Variants in PRDX1 observed in about 807,000 individuals in gnomAD.
PRDX1 encodes the protein peroxiredoxin-1.
Under a neutral mutation model 20.7 loss-of-function variants are expected in PRDX1, and 19 were observed. The ratio of observed to expected loss-of-function variants is 0.92; its 90% confidence interval spans 0.64 to 1.35. The LOEUF (loss-of-function observed/expected upper bound fraction) is 1.35. PRDX1 is among the 40% of genes most tolerant of loss of function. The pLI, the probability that PRDX1 is intolerant of heterozygous loss-of-function variation, is 0.00. For missense variants in PRDX1, 226 were observed against 240.0 expected, an observed-to-expected ratio of 0.94 and a Z score of 0.38; for synonymous variants, 89 against 83.9, an observed-to-expected ratio of 1.06 and a Z score of -0.33.
chr1:45,515,139 G>C (rs777898301), intron 3 of PRDX1, 144 bp from the exon 4 acceptor site: 148 of 1,201,602 alleles, frequency 1.2e-4, no homozygotes, highest in Non-Finnish European at 1.6e-4. Context: ...TGAATGCTGA[G>C]AACAGTTAAG....
chr1:45,515,896 T>C, intron 2 of PRDX1, 89 bp from the exon 3 acceptor site: 1 of 1,300,290 alleles, frequency 7.7e-7, no homozygotes, highest in Non-Finnish European at 1.0e-6. Context: ...AGTTGATGGC[T>C]GACACAATAA....
chr1:45,515,057 C>T (rs1436812468), intron 3 of PRDX1, 62 bp from the exon 4 acceptor site: 4 of 1,575,710 alleles, frequency 2.5e-6, no homozygotes, highest in Admixed American at 1.9e-5. Context: ...ACGCATTCCT[C>T]TTTCCCCTTT....
chr1:45,517,390 CTATA>C (rs1212564554), intron 2 of PRDX1, among the ~76,000 whole-genome samples: 2 of 152,144 alleles, frequency 1.3e-5, no homozygotes, highest in Non-Finnish European at 2.9e-5. Flanking sequence ...TCTAAGGAAT[CTATA>C]TCCTCAACTG....
At chr1:45,514,670 G>C (rs1161087717) in intron 4 of PRDX1, 33 bp from the exon 5 acceptor site, 1 of 1,611,288 alleles carries the variant, frequency 6.2e-7, no homozygotes, top group East Asian at 2.2e-5. Flanking sequence ...AAGCAATACA[G>C]GTTTAGAGAT....
chr1:45,514,213 G>A (rs902756484), intron 5 of PRDX1, among the ~76,000 whole-genome samples: 1 of 151,994 alleles, frequency 6.6e-6, no homozygotes, highest in African/African-American at 2.4e-5. Context: ...CTTTGTTCAC[G>A]TGTTTATCTG....
At position 45,511,431 on chromosome 1, in the gene PRDX1, C is replaced by T. The variant is rs1157178520; in HGVS notation, c.515-17G>A. ...CTGGGCACACTGCAAGAGAAAGGCACCACTAATTAATAACCTTCTCAATGG... is the reference window on the plus strand; with the variant it reads ...CTGGGCACACTGCAAGAGAAAGGCATCACTAATTAATAACCTTCTCAATGG... On this transcript the variant is annotated splice_polypyrimidine_tract_variant and intron_variant, in intron 5 of 5. Coordinates refer to ENST00000319248, the MANE Select transcript of PRDX1 (RefSeq NM_181697.3). 1.3e-5 allele frequency: 21 copies of T among 1,604,568 alleles called. No individual in the cohort carries two copies. The highest frequency in any genetic ancestry group is 1.7e-5 in the Non-Finnish European group (20 of 1,173,284).
intron 2 of PRDX1, among the ~76,000 whole-genome samples, chr1:45,517,209 C>T (rs1643869494): frequency 6.6e-6 from 1 of 152,028 alleles, no homozygotes; most frequent in Non-Finnish European, 1.5e-5. Flanking sequence ...ACCCCTGGGC[C>T]CAGGTCACCT....
Position 45,511,270 on chromosome 1 carries a change from A to G in PRDX1, c.*59T>C. 7.3e-7 allele frequency: 1 copy of G among 1,364,748 alleles called. No homozygotes were observed. The highest frequency in any genetic ancestry group is 1.0e-6 in the Non-Finnish European group (1 of 996,072). The allele number at this position is 1,364,748 out of a possible 1,614,324, so 84.5% of individuals were successfully genotyped here. A position where few individuals can be genotyped will look rare whatever the true frequency, so the allele number is the denominator to read the frequency against. ...TTTTACTAATGGAAAAAAAAAATACAGAAGAGGTTTTGTTCTCATGGCTGC... is the reference window on the plus strand; with the variant it reads ...TTTTACTAATGGAAAAAAAAAATACGGAAGAGGTTTTGTTCTCATGGCTGC... On this transcript the variant is annotated 3_prime_UTR_variant, in exon 6 of 6. Transcript: ENST00000319248.
chr1:45,514,603 G>GAT lies in PRDX1; in HGVS notation c.417_418insAT (p.Arg140IlefsTer6). The GAT allele has an allele frequency of 6.2e-7, 1 of 1,613,494 alleles. No individual in the cohort carries two copies. The highest frequency in any genetic ancestry group is 1.1e-5 in the South Asian group (1 of 91,060). On this transcript the variant is annotated frameshift_variant, in exon 5 of 6. Coordinates refer to ENST00000319248, the MANE Select transcript of PRDX1 (RefSeq NM_181697.3). LOFTEE classifies it high-confidence loss of function. ...GGGAGGTCATTTACAGTGATCTGCC[G>GAT]AAGAATACCCTTATCATCAATGATA... is the stretch of plus-strand genomic sequence containing the variant.
rs1012977307 is a variant in PRDX1, at chr1:45,514,838, T to C, written c.383+35A>G. On this transcript the variant is annotated intron_variant, in intron 4 of 5. Coordinates refer to ENST00000319248, the MANE Select transcript of PRDX1 (RefSeq NM_181697.3). ...CTCTAGATCTCTCCAAATAAAAGGC[T>C]TTCAGCCAACTGGATACTTGTCCTG... The C allele has an allele frequency of 2.5e-6, 4 of 1,612,780 alleles. No homozygotes were observed. The African/African-American group carries it at 5.3e-5, about 22-fold the overall frequency.
chr1:45,515,494 G>A (rs564218809), intron 3 of PRDX1, among the ~76,000 whole-genome samples, 160 bp downstream of exon 3: 1 of 150,688 alleles, frequency 6.6e-6, no homozygotes, highest in East Asian at 2.0e-4. Flanking sequence ...AGCTACTCAG[G>A]AGGCTGAGGC....
chr1:45,519,608 T>G (rs1344417008), intron 1 of PRDX1, among the ~76,000 whole-genome samples: 3 of 152,138 alleles, frequency 2.0e-5, no homozygotes, highest in Non-Finnish European at 2.9e-5. Flanking sequence ...TTTTGTTTTG[T>G]TTTTTTGACG....
upstream of PRDX1, chr1:45,521,907 C>T (rs1296319441): frequency 6.6e-6 from 1 of 152,438 alleles, no homozygotes; most frequent in African/African-American, 2.4e-5. Context: ...CGGGGCGCTG[C>T]CTTTATAGCC....
At chr1:45,521,663 G>C (rs983633299) in intron 1 of PRDX1, 166 bp downstream of exon 1, 1 of 152,344 alleles carries the variant, frequency 6.6e-6, no homozygotes, top group Non-Finnish European at 1.5e-5. Flanking sequence ...AGAGGGGTGT[G>C]CGCAGCGCTC....
intron 4 of PRDX1, 111 bp downstream of exon 4, chr1:45,514,762 G>A: frequency 1.3e-6 from 2 of 1,567,320 alleles, no homozygotes; most frequent in Middle Eastern, 1.7e-4. Context: ...CCTTAGTGAG[G>A]AGGCCCCTGC....
chr1:45,517,816 GAA>G (rs1643874791), intron 2 of PRDX1, among the ~76,000 whole-genome samples: 2 of 49,676 alleles, frequency 4.0e-5, no homozygotes, highest in Non-Finnish European at 8.9e-5. Context: ...TATGACAACA[GAA>G]AGGAGAGTTG....
intron 1 of PRDX1, among the ~76,000 whole-genome samples, chr1:45,519,493 C>T (rs1468759974): frequency 6.6e-6 from 1 of 152,248 alleles, no homozygotes; most frequent in Non-Finnish European, 1.5e-5. Flanking sequence ...ACTGTGCCTC[C>T]ACCTGCCTTC....
intron 1 of PRDX1, among the ~76,000 whole-genome samples, chr1:45,521,115 C>T (rs1367233629): frequency 1.3e-5 from 2 of 152,202 alleles, no homozygotes; most frequent in Non-Finnish European, 2.9e-5. Flanking sequence ...CCCAAATGGC[C>T]TTCTCGTCCA....
At chr1:45,513,794 C>T (rs1465231525) in intron 5 of PRDX1, among the ~76,000 whole-genome samples, 1 of 152,194 alleles carries the variant, frequency 6.6e-6, no homozygotes, top group Admixed American at 6.5e-5. Context: ...TCCGGGGACA[C>T]AAACACTGCG....
Sources: allele counts gnomAD v4.1 joint callset (sites outside exome capture counted in the v4.1 genomes callset), GRCh38; gene constraint gnomAD v4.1.1; transcripts MANE v1.5; gene names NCBI Gene and HGNC (gene_info 2026-07-23, HGNC 2026-07-21).